Variants in ALK observed in about 807,000 individuals in gnomAD.
ALK encodes ALK tyrosine kinase receptor.
Under a neutral mutation model 163.1 loss-of-function variants are expected in ALK, and 74 were observed. That is an observed-to-expected ratio of 0.45 (90% CI 0.38 to 0.55). ALK has a LOEUF of 0.55. Among genes scored for constraint, ALK ranks in the 20% least tolerant of loss-of-function variants. ALK has a pLI of 0.00. For synonymous variants in ALK, 960 were observed against 843.2 expected, an observed-to-expected ratio of 1.14 and a Z score of -2.40; for missense variants, 2,063 against 2,105.3, an observed-to-expected ratio of 0.98 and a Z score of 0.39.
intron 3 of ALK, among the ~76,000 whole-genome samples, chr2:29,629,290 A>C (rs2148235575): frequency 6.6e-6 from 1 of 152,302 alleles, no homozygotes; most frequent in South Asian, 2.1e-4. Flanking sequence ...ATTTTTACAA[A>C]CTAACTCTGT....
intron 1 of ALK, among the ~76,000 whole-genome samples, chr2:29,908,050 C>G (rs1021338422): frequency 6.6e-6 from 1 of 152,114 alleles, no homozygotes; most frequent in Non-Finnish European, 1.5e-5. Context: ...GGCTCCAACA[C>G]TAGCCCTCTC....
At chr2:29,768,220 C>T (rs1046641011) in intron 1 of ALK, among the ~76,000 whole-genome samples, 3 of 152,174 alleles carry the variant, frequency 2.0e-5, no homozygotes, top group African/African-American at 7.2e-5. Context: ...ACAGATTTAG[C>T]AGAGCTGGAG....
At chr2:29,532,592 G>A (rs950082862) in intron 3 of ALK, among the ~76,000 whole-genome samples, 8 of 152,154 alleles carry the variant, frequency 5.3e-5, no homozygotes, top group Non-Finnish European at 8.8e-5. Context: ...TTGAGCCTAT[G>A]AGTCATGTGA....
Position 29,193,488 on chromosome 2 carries a change from C to T in ALK, c.4599G>A (p.Leu1533=), listed in dbSNP as rs2148137791. 1 of 1,614,202 alleles carries T rather than the reference C, an allele frequency of 6.2e-7. No individual in the cohort carries two copies. Among genetic ancestry groups the T allele is most frequent in the Non-Finnish European group, 8.5e-7 (1 of 1,180,034 alleles). The change falls in exon 29 of 29, where the codon CTG becomes CTA. Residue 1533 remains leucine, a synonymous_variant. Coordinates refer to ENST00000389048, the MANE Select transcript of ALK (RefSeq NM_004304.5). ...GGACAGTACAGCTTCCCTCCAGCCCCAGGTTACCCCTGTCGTGTGGCTCCT... is the reference window on the plus strand; with the variant it reads ...GGACAGTACAGCTTCCCTCCAGCCCTAGGTTACCCCTGTCGTGTGGCTCCT... The part of the protein sequence containing the change: ...AKKEPHDRGN[L]GLEGSCTVPP...
chr2:29,602,632 C>T (rs954005856), intron 3 of ALK, among the ~76,000 whole-genome samples: 1 of 152,162 alleles, frequency 6.6e-6, no homozygotes, highest in Non-Finnish European at 1.5e-5. Flanking sequence ...TTGATAATGT[C>T]ACCACCCCTC....
chr2:29,402,965 A>C (rs916389090), intron 4 of ALK, among the ~76,000 whole-genome samples: 1 of 152,030 alleles, frequency 6.6e-6, no homozygotes, highest in Non-Finnish European at 1.5e-5. Flanking sequence ...TTGTGGCTCA[A>C]AGCAGCTGGT....
At position 29,920,357 on chromosome 2, in the gene ALK, C is replaced by G. The variant is rs1305432880; in HGVS notation, c.303G>C (p.Leu101Phe). 1 of 1,553,960 alleles carries G rather than the reference C, an allele frequency of 6.4e-7. No individual in the cohort carries two copies. Among genetic ancestry groups the G allele is most frequent in the East Asian group, 2.4e-5 (1 of 41,232 alleles). ...AGGAGACCCCCGGCGCCGGCCCCAG[C>G]AACCTGAGCAGCGGGGCGCAGTCCA... Reference protein sequence around the residue: ...LALDCAPLLRLLGPAPGVSWT... With the variant: ...LALDCAPLLRFLGPAPGVSWT... Residue 101 changes from leucine to phenylalanine, a missense_variant, in exon 1 of 29, where the codon TTG (leucine) becomes TTC (phenylalanine). Leu to Phe is a conservative substitution (Grantham distance 22). Around this residue, in one of 5 missense-constraint regions of ALK, gnomAD observed 987 missense variants for 939.5 expected, o/e 1.05. Transcript: ENST00000389048.
intron 4 of ALK, among the ~76,000 whole-genome samples, chr2:29,520,721 C>A (rs929268088): frequency 6.6e-6 from 1 of 151,978 alleles, no homozygotes; most frequent in South Asian, 2.1e-4. Context: ...CACTTGGGGG[C>A]AACTGTGGGT....
intron 1 of ALK, among the ~76,000 whole-genome samples, chr2:29,780,089 C>T (rs1471967015): frequency 6.6e-6 from 1 of 152,236 alleles, no homozygotes; most frequent in Non-Finnish European, 1.5e-5. Context: ...TCTACAGGTG[C>T]TCTCAAAAAC....
At position 29,222,556 on chromosome 2, in the gene ALK, TCCGGACAC is replaced by T. The variant is rs1185757917; in HGVS notation, c.3403_3410del (p.Val1135AsnfsTer17). ...GCAGGGGGCTTGGGTCGTTGGGCAT[TCCGGACAC>T]CTGGCCTTCATACACCTCCCCAAAG... On this transcript the variant is annotated frameshift_variant, in exon 21 of 29. Coordinates refer to ENST00000389048, the MANE Select transcript of ALK (RefSeq NM_004304.5). LOFTEE classifies it high-confidence loss of function. The T allele has an allele frequency of 6.2e-7, 1 of 1,614,000 alleles. No individual in the cohort carries two copies. Among genetic ancestry groups the T allele is most frequent in the South Asian group, 1.1e-5 (1 of 91,058 alleles).
chr2:29,762,542 T>C (rs1302657930), intron 1 of ALK, among the ~76,000 whole-genome samples: 2 of 152,216 alleles, frequency 1.3e-5, no homozygotes, highest in Non-Finnish European at 2.9e-5. Flanking sequence ...ACCAGATCCA[T>C]GTCTCAGCAG....
chr2:29,483,655 C>A (rs1463230073), intron 4 of ALK, among the ~76,000 whole-genome samples: 6 of 152,158 alleles, frequency 3.9e-5, no homozygotes, highest in African/African-American at 1.4e-4. Context: ...ACATACCCAA[C>A]CTGGCTTTAT....
intron 3 of ALK, among the ~76,000 whole-genome samples, chr2:29,692,690 C>A (rs1678437286): frequency 6.6e-6 from 1 of 152,200 alleles, no homozygotes; most frequent in Admixed American, 6.5e-5. Flanking sequence ...AGCTATGCAT[C>A]CCATCCTAAC....
intron 5 of ALK, among the ~76,000 whole-genome samples, chr2:29,378,096 T>C (rs1403857995): frequency 1.3e-5 from 2 of 152,246 alleles, no homozygotes; most frequent in Non-Finnish European, 2.9e-5. Flanking sequence ...AGGAGCTATC[T>C]ACATTTCCTT....
chr2:29,206,107 G>C (rs965957197), intron 26 of ALK, among the ~76,000 whole-genome samples: 2 of 152,078 alleles, frequency 1.3e-5, no homozygotes, highest in African/African-American at 4.8e-5. Context: ...GGGGTGAGGG[G>C]CTCAGCCACA....
At chr2:29,225,711 G>T (rs566080705) in intron 18 of ALK, 146 bp from the exon 19 acceptor site, 1 of 717,516 alleles carries the variant, frequency 1.4e-6, no homozygotes, top group East Asian at 2.7e-5. Flanking sequence ...TTCTTTTCAG[G>T]GGACCATGAG....
chr2:29,585,803 T>C (rs1272676304), intron 3 of ALK, among the ~76,000 whole-genome samples: 1 of 152,100 alleles, frequency 6.6e-6, no homozygotes, highest in Non-Finnish European at 1.5e-5. Context: ...TTTTTTTCTA[T>C]TATAAATAAT....
At chr2:29,427,833 T>C (rs1670182922) in intron 4 of ALK, among the ~76,000 whole-genome samples, 1 of 152,202 alleles carries the variant, frequency 6.6e-6, no homozygotes, top group African/African-American at 2.4e-5. Context: ...AAAAATCTTC[T>C]TAAATGCACA....
Position 29,506,581 on chromosome 2 carries a change from C to T in ALK, c.1154+25334G>A, listed in dbSNP as rs376736835. On this transcript the variant is annotated intron_variant, in intron 4 of 28. Transcript: ENST00000389048. ...CCAACACGGTGAAACCCCATCTTTACTAAAAATACAAAAAATTAGCCAGGC... is the reference window on the plus strand; with the variant it reads ...CCAACACGGTGAAACCCCATCTTTATTAAAAATACAAAAAATTAGCCAGGC... 4.5e-3 allele frequency among the ~76,000 whole-genome samples: 680 copies of T among 152,112 alleles called. 5 individuals are homozygous for T. The highest frequency in any genetic ancestry group is 0.016 in the African/African-American group (652 of 41,480).
Sources: allele counts gnomAD v4.1 joint callset (sites outside exome capture counted in the v4.1 genomes callset), GRCh38; gene constraint gnomAD v4.1.1; regional missense constraint gnomAD v4.1.1; transcripts MANE v1.5; gene names NCBI Gene and HGNC (gene_info 2026-07-23, HGNC 2026-07-21).